MAML2: variants seen among roughly 807,000 people sequenced by gnomAD.
The protein encoded by MAML2 is mastermind-like protein 2.
Under a neutral mutation model 96.1 loss-of-function variants are expected in MAML2, and 22 were observed. The ratio of observed to expected loss-of-function variants is 0.23; its 90% CI spans 0.16 to 0.33. The LOEUF (loss-of-function observed/expected upper bound fraction) is 0.33, where lower values mean the gene tolerates loss of function less well. Among genes scored for constraint, MAML2 ranks in the 10% least tolerant of loss-of-function variants. MAML2 has a pLI of 1.00. For missense variants in MAML2, 1,367 were observed against 1,392.4 expected (o/e 0.98, Z 0.29); for synonymous variants, 561 against 521.3 (o/e 1.08, Z -1.04).
chr11:95,997,075 T>C (rs567007599), intron 2 of MAML2, among the ~76,000 whole-genome samples: 1 of 152,288 alleles, frequency 6.6e-6, no homozygotes, highest in South Asian at 2.1e-4. Flanking sequence ...TAGTTAAAGA[T>C]TGATTTGGCA....
intron 1 of MAML2, among the ~76,000 whole-genome samples, chr11:96,334,016 G>C (rs979831086): frequency 6.6e-6 from 1 of 152,152 alleles, no homozygotes; most frequent in Admixed American, 6.5e-5. Context: ...TCAACTTCTA[G>C]ATTAGGAGTC....
intron 1 of MAML2, among the ~76,000 whole-genome samples, chr11:96,220,914 C>G (rs780582831): frequency 2.6e-5 from 4 of 152,126 alleles, no homozygotes; most frequent in Non-Finnish European, 4.4e-5. Context: ...CTGTAAAACT[C>G]TAATCTCTTG....
chr11:96,034,491 T>C (rs959070316), intron 2 of MAML2, among the ~76,000 whole-genome samples: 1 of 149,116 alleles, frequency 6.7e-6, no homozygotes, highest in African/African-American at 2.5e-5. Context: ...GAGAGATTTC[T>C]TCTGTTTAAA....
intron 2 of MAML2, among the ~76,000 whole-genome samples, chr11:96,048,868 T>C (rs1162979057): frequency 2.0e-5 from 3 of 152,212 alleles, no homozygotes; most frequent in African/African-American, 7.2e-5. Flanking sequence ...TGCAAATTCT[T>C]TCGTTGCACA....
chr11:96,159,830 T>C (rs1260580117), intron 1 of MAML2, among the ~76,000 whole-genome samples: 1 of 152,188 alleles, frequency 6.6e-6, no homozygotes, highest in African/African-American at 2.4e-5. Flanking sequence ...GAAATTTGCA[T>C]TGCTATTAAG....
chr11:96,092,795 A>G lies in MAML2; in HGVS notation c.1236T>C (p.Ala412=). The G allele has an allele frequency of 6.2e-7, 1 of 1,612,204 alleles. No individual in the cohort carries two copies. Among genetic ancestry groups the G allele is most frequent in the African/African-American group, 1.3e-5 (1 of 75,004 alleles). ...TTGCTCCGGAGCCTGTCTGAGGCTG[A>G]GCCTGGCTCTGAGGGACTGAAGGGA... is the stretch of plus-strand genomic sequence containing the variant. ...SPIPSVPQSQ[A]QPQTGSGASR... The change falls in exon 2 of 5, where the codon GCT becomes GCC. Residue 412 remains alanine (A), a synonymous_variant. Transcript: ENST00000524717. The surrounding 1 kb of genome is among the most constrained non-coding windows in gnomAD (Gnocchi z 4.1).
intron 1 of MAML2, among the ~76,000 whole-genome samples, chr11:96,112,025 C>A (rs914306714): frequency 6.6e-6 from 1 of 151,854 alleles, no homozygotes; most frequent in Admixed American, 6.6e-5. Context: ...ACAAATGCTG[C>A]TCGTTAAACA....
rs189202843 is a variant in MAML2 at position 96,187,663 on chromosome 11, A to C, written c.514-94146T>G. 1.5e-3 allele frequency among the ~76,000 whole-genome samples: 234 copies of C among 152,254 alleles called. 1 individual carries two copies. Among genetic ancestry groups the C allele is most frequent in the Middle Eastern group, 0.01 (3 of 294 alleles). On this transcript the variant is annotated intron_variant, in intron 1 of 4. Transcript: ENST00000524717. Reference sequence around the variant, plus strand: ...ACAAAAATTAGCTGGGCATGGTGGCATGTGACTGGAACCCCAGCTACTCGG... The same window carrying C: ...ACAAAAATTAGCTGGGCATGGTGGCCTGTGACTGGAACCCCAGCTACTCGG...
chr11:96,197,263 C>G (rs1237267963), intron 1 of MAML2, among the ~76,000 whole-genome samples: 1 of 152,118 alleles, frequency 6.6e-6, no homozygotes, highest in East Asian at 1.9e-4. Flanking sequence ...GTCTATAGAC[C>G]AAGAAGCCCC....
At chr11:96,081,208 A>C (rs1565208099) in intron 2 of MAML2, among the ~76,000 whole-genome samples, 1 of 152,076 alleles carries the variant, frequency 6.6e-6, no homozygotes. Context: ...TCTTCCGAAA[A>C]CATTATACCT....
intron 2 of MAML2, among the ~76,000 whole-genome samples, chr11:96,048,281 T>C (rs2135764246): frequency 6.6e-6 from 1 of 152,312 alleles, no homozygotes; most frequent in South Asian, 2.1e-4. Flanking sequence ...CAATGAAATC[T>C]GGATCAAGAA....
chr11:95,985,565 A>C lies in MAML2; in HGVS notation c.2421T>G (p.Asn807Lys). 5.0e-6 allele frequency: 8 copies of C among 1,612,318 alleles called. No homozygotes were observed. The highest frequency in any genetic ancestry group is 6.8e-6 in the Non-Finnish European group (8 of 1,178,888). ...GAGCAGTTGGTTGCATATTGCCCACATTTCTTCTTTGGTCTTTATAATCTG... is the reference window on the plus strand; with the variant it reads ...GAGCAGTTGGTTGCATATTGCCCACCTTTCTTCTTTGGTCTTTATAATCTG... ...PPPDYKDQRR[N>K]VGNMQPTAQY... The change falls in exon 4 of 5, where the codon AAT becomes AAG. Residue 807 changes from asparagine to lysine, a missense_variant. Asn to Lys is a moderately conservative substitution (Grantham distance 94, BLOSUM62 0). Transcript: ENST00000524717.
At chr11:96,274,077 C>CTTTTT (rs992096555) in intron 1 of MAML2, among the ~76,000 whole-genome samples, 26 of 91,790 alleles carry the variant, frequency 2.8e-4, no homozygotes, top group Non-Finnish European at 4.2e-4. Flanking sequence ...TTTCCTTTTC[C>CTTTTT]TTTTTTTTTT....
intron 1 of MAML2, among the ~76,000 whole-genome samples, chr11:96,247,750 C>G (rs528677749): frequency 6.6e-6 from 1 of 152,270 alleles, no homozygotes; most frequent in East Asian, 1.9e-4. Flanking sequence ...CTACTTCACA[C>G]CTTTTCCTCT....
At chr11:96,089,419 A>T (rs573960596) in intron 2 of MAML2, among the ~76,000 whole-genome samples, 1 of 152,306 alleles carries the variant, frequency 6.6e-6, no homozygotes, top group African/African-American at 2.4e-5. Context: ...GCCTTGTCAC[A>T]TCATAGTTAC....
At chr11:96,030,408 A>G (rs2135745266) in intron 2 of MAML2, among the ~76,000 whole-genome samples, 1 of 152,314 alleles carries the variant, frequency 6.6e-6, no homozygotes, top group Non-Finnish European at 1.5e-5. Context: ...GATAAACAGA[A>G]TAGAATGGAC....
chr11:96,312,711 T>A (rs1234148023), intron 1 of MAML2, among the ~76,000 whole-genome samples: 1 of 152,206 alleles, frequency 6.6e-6, no homozygotes, highest in Non-Finnish European at 1.5e-5. Flanking sequence ...TAATCATTTG[T>A]AAGTGTACAA....
intron 2 of MAML2, among the ~76,000 whole-genome samples, chr11:96,014,509 A>T (rs1323247525): frequency 6.6e-6 from 1 of 152,246 alleles, no homozygotes; most frequent in African/African-American, 2.4e-5. Context: ...TGAATTGTAG[A>T]GAGAAAGCTT....
At chr11:96,261,325 C>T (rs1203762254) in intron 1 of MAML2, among the ~76,000 whole-genome samples, 1 of 152,008 alleles carries the variant, frequency 6.6e-6, no homozygotes, top group Non-Finnish European at 1.5e-5. Flanking sequence ...GCCCCTCAAC[C>T]TTGGACCTCT....
Sources: gnomAD v4.1 joint callset for allele counts (sites outside exome capture counted in the v4.1 genomes callset) on GRCh38, gnomAD v4.1.1 for gene constraint, Gnocchi (gnomAD v3.1) non-coding constraint, MANE v1.5 for transcripts, NCBI Gene and HGNC (gene_info 2026-07-23, HGNC 2026-07-21) for gene names.